Variants in GRIK2 observed in about 807,000 individuals in gnomAD.
The protein encoded by GRIK2 is glutamate ionotropic receptor kainate type subunit 2.
Under a neutral mutation model 100.3 loss-of-function variants are expected in GRIK2, and 32 were observed. The observed-to-expected ratio is 0.32, with a 90% CI of 0.24 to 0.43. The LOEUF (loss-of-function observed/expected upper bound fraction) is 0.43, where lower values mean the gene tolerates loss of function less well. Among genes scored for constraint, GRIK2 ranks in the 20% least tolerant of loss-of-function variants. The pLI is 1.00. For missense variants in GRIK2, 843 were observed against 1,114.9 expected, an observed-to-expected ratio of 0.76 and a Z score of 3.47; for synonymous variants, 417 against 389.4, an observed-to-expected ratio of 1.07 and a Z score of -0.83.
At chr6:101,724,433 A>G (rs549240447) in intron 7 of GRIK2, among the ~76,000 whole-genome samples, 1 of 152,012 alleles carries the variant, frequency 6.6e-6, no homozygotes, top group East Asian at 2.0e-4. Context: ...CTTATAAGTG[A>G]GAACATGTGG....
intron 15 of GRIK2, among the ~76,000 whole-genome samples, chr6:102,041,044 A>C (rs572051992): frequency 4.6e-5 from 7 of 151,610 alleles, no homozygotes; most frequent in Non-Finnish European, 1.0e-4. Context: ...CAAGCTGTAC[A>C]TTCCTGGCAT....
chr6:102,038,377 A>G (rs1376118568), intron 15 of GRIK2, among the ~76,000 whole-genome samples: 1 of 151,336 alleles, frequency 6.6e-6, no homozygotes, highest in Non-Finnish European at 1.5e-5. Flanking sequence ...AGACTCATAT[A>G]TTACTACCAT....
chr6:101,968,661 G>A (rs982760593), intron 14 of GRIK2, among the ~76,000 whole-genome samples: 43 of 151,720 alleles, frequency 2.8e-4, no homozygotes, highest in Non-Finnish European at 2.5e-4. Context: ...CTTTATGTTC[G>A]CCTTATCTTC....
chr6:101,719,326 T>C (rs892352037), intron 7 of GRIK2, among the ~76,000 whole-genome samples: 5 of 151,866 alleles, frequency 3.3e-5, no homozygotes, highest in African/African-American at 1.2e-4. Flanking sequence ...CCATTAACTA[T>C]ACAGCAGCTA....
intron 2 of GRIK2, among the ~76,000 whole-genome samples, chr6:101,563,037 A>AG (rs376585462): frequency 4.6e-5 from 7 of 152,316 alleles, no homozygotes; most frequent in African/African-American, 1.7e-4. Context: ...TATGTTTGAT[A>AG]GGGCAGCTGC....
At chr6:101,886,372 C>T (rs1786616486) in intron 11 of GRIK2, among the ~76,000 whole-genome samples, 1 of 151,772 alleles carries the variant, frequency 6.6e-6, no homozygotes, top group Non-Finnish European at 1.5e-5. Context: ...ATGTGTCTAT[C>T]TGTATCCTTT....
intron 14 of GRIK2, among the ~76,000 whole-genome samples, chr6:101,997,370 T>C (rs754184445): frequency 6.6e-5 from 10 of 152,118 alleles, no homozygotes; most frequent in Admixed American, 1.3e-4. Flanking sequence ...TCCTTTATCA[T>C]GGTTATATCC....
intron 7 of GRIK2, among the ~76,000 whole-genome samples, chr6:101,793,522 G>C (rs557985466): frequency 6.6e-6 from 1 of 152,278 alleles, no homozygotes; most frequent in South Asian, 2.1e-4. Flanking sequence ...CAGAACTGCA[G>C]ATTTTCTTGT....
rs1772119374 is a variant in GRIK2, at chr6:102,068,347, A to G, written c.2563A>G (p.Arg855Gly). ...KSKKNAQLEK[R>G]SFCSAMVEEL... is the part of the protein sequence containing the mutation. ...TTAATTTTTCTGTGTTCTTCTGTAG[A>G]GGTCCTTCTGTAGTGCCATGGTAGA... is the stretch of plus-strand genomic sequence containing the variant. Residue 855 changes from arginine (R) to glycine (G), a missense_variant and splice_region_variant, in exon 17 of 17, where the codon AGG becomes GGG. Physicochemically the swap from Arg to Gly is moderately radical, Grantham distance 125. This residue lies in a region of GRIK2 where 87 missense variants were observed against 83.2 expected (regional missense o/e 1.05). Transcript: ENST00000369134. 5 of 1,605,780 alleles carry G rather than the reference A, an allele frequency of 3.1e-6. No individual in the cohort carries two copies. The highest frequency in any genetic ancestry group is 3.4e-6 in the Non-Finnish European group (4 of 1,173,794).
At chr6:101,518,870 C>A (rs1290132449) in intron 2 of GRIK2, among the ~76,000 whole-genome samples, 1 of 152,022 alleles carries the variant, frequency 6.6e-6, no homozygotes, top group Admixed American at 6.6e-5. Context: ...ACAGAGTGTC[C>A]CCTTAAAGGG....
intron 14 of GRIK2, among the ~76,000 whole-genome samples, chr6:101,944,926 C>T (rs1209572830): frequency 2.0e-5 from 3 of 151,934 alleles, no homozygotes; most frequent in African/African-American, 4.8e-5. Context: ...CCTTTGACTT[C>T]AGTGTTAATA....
chr6:101,565,937 A>ATATATATATATATATATATATATATGTG (rs1777245609), intron 2 of GRIK2, among the ~76,000 whole-genome samples: 1 of 84,226 alleles, frequency 1.2e-5, no homozygotes, highest in Non-Finnish European at 3.0e-5. Context: ...ATATATGTGT[A>ATATATATATATATATATATATATATGTG]TATATATATA....
At chr6:102,064,154 G>GA (rs1157019596) in intron 16 of GRIK2, 1 of 625,400 alleles carries the variant, frequency 1.6e-6, no homozygotes, top group African/African-American at 1.9e-5. Flanking sequence ...CTTATTTAAT[G>GA]ACACAGTGCG....
intron 9 of GRIK2, among the ~76,000 whole-genome samples, chr6:101,817,244 A>G (rs1159705311): frequency 6.6e-6 from 1 of 152,194 alleles, no homozygotes; most frequent in Non-Finnish European, 1.5e-5. Context: ...TTAACTCCAT[A>G]TGAGGAAATA....
chr6:101,455,465 G>C (rs574800789), intron 2 of GRIK2, among the ~76,000 whole-genome samples: 2 of 151,926 alleles, frequency 1.3e-5, no homozygotes, highest in Admixed American at 6.6e-5. Flanking sequence ...TCAATTCTTT[G>C]CTGAATTGTT....
intron 2 of GRIK2, among the ~76,000 whole-genome samples, chr6:101,493,244 A>C (rs1773237623): frequency 6.6e-6 from 1 of 152,106 alleles, no homozygotes; most frequent in Admixed American, 6.6e-5. Flanking sequence ...GTTTCTGGAA[A>C]TATCAAAAGG....
At chr6:101,664,627 T>C (rs546127704) in intron 4 of GRIK2, among the ~76,000 whole-genome samples, 1 of 152,328 alleles carries the variant, frequency 6.6e-6, no homozygotes, top group Non-Finnish European at 1.5e-5. Context: ...CTTTTTTTCA[T>C]ATCAGTGAAA....
chr6:102,015,278 T>C (rs997112582), intron 14 of GRIK2, among the ~76,000 whole-genome samples: 2 of 152,134 alleles, frequency 1.3e-5, no homozygotes, highest in Non-Finnish European at 2.9e-5. Flanking sequence ...TTTCTTTGTT[T>C]CTCTTGCTTG....
intron 10 of GRIK2, among the ~76,000 whole-genome samples, chr6:101,844,041 G>A (rs1373036806): frequency 6.6e-6 from 1 of 152,010 alleles, no homozygotes; most frequent in East Asian, 1.9e-4. Context: ...TATACTGAAT[G>A]AATGATTAAA....
Sources: allele counts gnomAD v4.1 joint callset (sites outside exome capture counted in the v4.1 genomes callset), GRCh38; gene constraint gnomAD v4.1.1; regional missense constraint gnomAD v4.1.1; transcripts MANE v1.5; gene names NCBI Gene and HGNC (gene_info 2026-07-23, HGNC 2026-07-21).